The following MTREX variants were observed in gnomAD, a reference collection of about 807,000 sequenced individuals.
The protein encoded by MTREX is Mtr4 exosome RNA helicase.
In MTREX, 76 loss-of-function variants were observed where a neutral mutation model predicts 135.4. That is an observed-to-expected ratio of 0.56 (90% CI 0.47 to 0.68). The LOEUF (loss-of-function observed/expected upper bound fraction) is 0.68, where lower values mean the gene tolerates loss of function less well. Ranked by LOEUF, MTREX falls within the 30% of genes least tolerant of loss-of-function variation. MTREX has a pLI of 0.00. For missense variants in MTREX, 920 were observed against 1,262.1 expected, an observed-to-expected ratio of 0.73 and a Z score of 4.11; for synonymous variants, 404 against 401.6, an observed-to-expected ratio of 1.01 and a Z score of -0.07.
intron 5 of MTREX, among the ~76,000 whole-genome samples, chr5:55,337,163 C>T (rs1012841271): frequency 3.3e-5 from 5 of 152,110 alleles, no homozygotes; most frequent in East Asian, 1.9e-4. Flanking sequence ...TGCTGTCAAC[C>T]GGGTTGGAAT....
intron 3 of MTREX, among the ~76,000 whole-genome samples, chr5:55,326,226 G>A (rs1361825159): frequency 1.3e-5 from 2 of 151,862 alleles, no homozygotes; most frequent in African/African-American, 4.8e-5. Context: ...GTGAAACCCC[G>A]TCTCTACTAA....
At chr5:55,363,055 T>C (rs1750043607) in intron 15 of MTREX, among the ~76,000 whole-genome samples, 1 of 151,766 alleles carries the variant, frequency 6.6e-6, no homozygotes, top group African/African-American at 2.4e-5. Context: ...GTCAGTGGTG[T>C]GTTCTTTTCA....
intron 23 of MTREX, among the ~76,000 whole-genome samples, chr5:55,412,073 A>G (rs1750892412): frequency 6.6e-6 from 1 of 152,180 alleles, no homozygotes; most frequent in Non-Finnish European, 1.5e-5. Flanking sequence ...ATGTCAATAT[A>G]TACAGTTAAG....
intron 21 of MTREX, chr5:55,405,223 T>TA: frequency 2.3e-6 from 1 of 442,198 alleles, no homozygotes; most frequent in East Asian, 3.2e-5. Flanking sequence ...ACTTTACAGA[T>TA]ACATCATTAC....
intron 18 of MTREX, among the ~76,000 whole-genome samples, chr5:55,381,096 AT>A (rs1361126320): frequency 6.6e-6 from 1 of 151,860 alleles, no homozygotes; most frequent in African/African-American, 2.4e-5. Flanking sequence ...AATCCTTTTT[AT>A]TTTTGTATGG....
At position 55,370,432 on chromosome 5, in the gene MTREX, T is replaced by G. The variant is rs1388880342; in HGVS notation, c.1810+3557T>G. Among the ~76,000 whole-genome samples, 4 of 152,220 alleles carry G rather than the reference T, an allele frequency of 2.6e-5. No homozygotes were observed. The East Asian group carries it at 7.7e-4, about 29-fold the overall frequency. ...GCTTTTGTGTTTTGTTTTTTCAATG[T>G]GGTTCTGACTTACCTTTTAAAAGGA... On this transcript the variant is annotated intron_variant, in intron 16 of 26. Coordinates refer to ENST00000230640, the MANE Select transcript of MTREX (RefSeq NM_015360.5).
At chr5:55,338,971 A>G (rs1749599153) in intron 5 of MTREX, among the ~76,000 whole-genome samples, 1 of 151,582 alleles carries the variant, frequency 6.6e-6, no homozygotes. Flanking sequence ...TTGTATTTTT[A>G]GTAGAGACAG....
At chr5:55,309,335 A>G (rs1204771168) in intron 1 of MTREX, among the ~76,000 whole-genome samples, 3 of 152,232 alleles carry the variant, frequency 2.0e-5, no homozygotes. Flanking sequence ...GTAGAATGAT[A>G]GTTTAGGAAA....
chr5:55,398,391 ATTT>A (rs1750676928), intron 20 of MTREX, among the ~76,000 whole-genome samples: 1 of 152,304 alleles, frequency 6.6e-6, no homozygotes, highest in East Asian at 1.9e-4. Flanking sequence ...TAGAGTAGGA[ATTT>A]TTAAGCTGTG....
In MTREX at chr5:55,405,515, T is replaced by G. The variant is rs1437353360; in HGVS notation, c.2572T>G (p.Leu858Val). Residue 858 changes from leucine (L) to valine (V), a missense_variant, in exon 22 of 27, where the codon TTA (leucine) becomes GTA (valine). Physicochemically the swap from Leu to Val is conservative, Grantham distance 32 (BLOSUM62 1). This residue lies in a region of MTREX where 467 missense variants were observed against 589.7 expected (regional missense o/e 0.79). Transcript: ENST00000230640. ...TGAACTCAAATGTCGCAAACGTGTT[T>G]TAAGAAGGTTGGGATTTGCTACTTC... ...MDELKCRKRVLRRLGFATSSD... is the reference protein window; with the variant it reads ...MDELKCRKRVVRRLGFATSSD... 38 of 1,614,014 alleles carry G rather than the reference T, an allele frequency of 2.4e-5. No homozygotes were observed. Among genetic ancestry groups the G allele is most frequent in the Non-Finnish European group, 3.1e-5 (37 of 1,179,884 alleles).
At chr5:55,372,916 G>A (rs796111819) in intron 16 of MTREX, among the ~76,000 whole-genome samples, 1 of 150,634 alleles carries the variant, frequency 6.6e-6, no homozygotes, top group African/African-American at 2.4e-5. Flanking sequence ...GTGTGTGTGT[G>A]TGTGTGTGTG....
chr5:55,308,109 G>A lies in MTREX; in HGVS notation c.96G>A (p.Gly32=), dbSNP rs139234738. 701 of 1,613,432 alleles carry A rather than the reference G, an allele frequency of 4.3e-4. 9 individuals are homozygous for A. The East Asian group carries it at 0.014, about 33-fold the overall frequency. Reference sequence around the variant, plus strand: ...AAAAAGACAAGGAAAAGGACAAGGGGAAATGGAAGGGGCCTCCAGGGTCTG... The same window carrying A: ...AAAAAGACAAGGAAAAGGACAAGGGAAAATGGAAGGGGCCTCCAGGGTCTG... ...GTKKDKEKDK[G]KWKGPPGSAD... Residue 32 remains glycine (G), a synonymous_variant, in exon 1 of 27, where the codon GGG becomes GGA. Transcript: ENST00000230640.
chr5:55,337,616 T>C (rs1228144312), intron 5 of MTREX, among the ~76,000 whole-genome samples: 1 of 152,208 alleles, frequency 6.6e-6, no homozygotes, highest in Non-Finnish European at 1.5e-5. Flanking sequence ...TTGTATGTTG[T>C]TTACTTTTCA....
intron 24 of MTREX, among the ~76,000 whole-genome samples, chr5:55,414,679 C>T (rs1750939650): frequency 6.6e-6 from 1 of 152,112 alleles, no homozygotes. Flanking sequence ...GACAGAGTCT[C>T]GCTCTCTTAC....
chr5:55,347,653 G>A (rs1189811261), intron 11 of MTREX, among the ~76,000 whole-genome samples: 1 of 152,200 alleles, frequency 6.6e-6, no homozygotes, highest in Non-Finnish European at 1.5e-5. Context: ...TTCACTTGAA[G>A]TCACACAGTT....
At chr5:55,314,533 C>T (rs1259970080) in intron 1 of MTREX, among the ~76,000 whole-genome samples, 3 of 152,166 alleles carry the variant, frequency 2.0e-5, no homozygotes, top group African/African-American at 7.2e-5. Context: ...GGAACAGGGT[C>T]ATAAGCCGGA....
intron 16 of MTREX, among the ~76,000 whole-genome samples, chr5:55,376,083 C>T (rs1470510614): frequency 6.6e-6 from 1 of 152,206 alleles, no homozygotes; most frequent in Non-Finnish European, 1.5e-5. Flanking sequence ...TAATCCAAGT[C>T]GTGGAGTTTA....
intron 25 of MTREX, among the ~76,000 whole-genome samples, chr5:55,418,635 CT>C (rs1195566149): frequency 4.0e-5 from 6 of 151,724 alleles, no homozygotes; most frequent in African/African-American, 1.5e-4. Context: ...TTATGTTTTT[CT>C]TGTGTGTGAG....
chr5:55,425,383 A>G lies in MTREX; in HGVS notation c.*611A>G. On this transcript the variant is annotated 3_prime_UTR_variant, in exon 27 of 27. Coordinates refer to ENST00000230640, the MANE Select transcript of MTREX (RefSeq NM_015360.5). ...TATAATTTAGATCAAGTTAAAAACT[A>G]CATACAAAGTTGTGATCAACAGCAT... 2.0e-6 allele frequency: 3 copies of G among 1,497,728 alleles called. No homozygotes were observed. Among genetic ancestry groups the G allele is most frequent in the Non-Finnish European group, 2.7e-6 (3 of 1,098,504 alleles). 92.8% of individuals were successfully genotyped at this position (1,497,728 alleles called of 1,614,324 possible). A position where few individuals can be genotyped will look rare whatever the true frequency, so the allele number is the denominator to read the frequency against.
Sources: gnomAD v4.1 joint callset for allele counts (sites outside exome capture counted in the v4.1 genomes callset) on GRCh38, gnomAD v4.1.1 for gene constraint, gnomAD v4.1.1 regional missense constraint, MANE v1.5 for transcripts, NCBI Gene and HGNC (gene_info 2026-07-23, HGNC 2026-07-21) for gene names.